The following PLXNA4 variants were observed in gnomAD, a reference collection of about 807,000 sequenced individuals.
PLXNA4 encodes the protein plexin A4, also known as plexin-A4.
A neutral mutation model predicts 191.8 loss-of-function variants in PLXNA4; 44 were observed. That is an observed-to-expected ratio of 0.23 (90% confidence interval 0.18 to 0.29). The LOEUF (loss-of-function observed/expected upper bound fraction) is 0.29, where lower values mean the gene tolerates loss of function less well. PLXNA4 is among the 10% of genes least tolerant of loss of function. PLXNA4 has a pLI of 1.00. For missense variants in PLXNA4, 1,800 were observed against 2,488.8 expected (o/e 0.72, Z 5.89); for synonymous variants, 1,082 against 1,009.5 (o/e 1.07, Z -1.36).
chr7:132,558,917 A>G (rs1185989967), intron 1 of PLXNA4, among the ~76,000 whole-genome samples: 1 of 152,084 alleles, frequency 6.6e-6, no homozygotes, highest in Admixed American at 6.5e-5. Context: ...AGGCTCTGAG[A>G]CAGCCTTGGA....
At chr7:132,132,981 G>A in intron 31 of PLXNA4, 68 bp downstream of exon 31, 1 of 1,564,902 alleles carries the variant, frequency 6.4e-7, no homozygotes, top group Non-Finnish European at 8.7e-7. Context: ...TTATACGGAG[G>A]CATGCAGGGT....
intron 3 of PLXNA4, among the ~76,000 whole-genome samples, chr7:132,465,824 G>A (rs1796679392): frequency 6.6e-6 from 1 of 152,190 alleles, no homozygotes; most frequent in Non-Finnish European, 1.5e-5. Flanking sequence ...TTTTCCTGCA[G>A]AGCTGGAGGA....
At chr7:132,546,870 C>A (rs1038686592) in intron 1 of PLXNA4, among the ~76,000 whole-genome samples, 1 of 152,088 alleles carries the variant, frequency 6.6e-6, no homozygotes, top group African/African-American at 2.4e-5. Context: ...TGAGGACAAA[C>A]AAGGCTTAGG....
chr7:132,133,947 A>G (rs900370933), intron 30 of PLXNA4, among the ~76,000 whole-genome samples: 3 of 152,158 alleles, frequency 2.0e-5, no homozygotes, highest in Admixed American at 2.0e-4. Context: ...CTGCAATGAC[A>G]GGAGGGCATC....
At chr7:132,414,000 T>C (rs963087225) in intron 3 of PLXNA4, among the ~76,000 whole-genome samples, 1 of 152,224 alleles carries the variant, frequency 6.6e-6, no homozygotes, top group African/African-American at 2.4e-5. Context: ...TCATGGCAGA[T>C]AGAGCTATCT....
intron 9 of PLXNA4, among the ~76,000 whole-genome samples, chr7:132,213,618 G>A (rs1797872521): frequency 1.3e-5 from 2 of 152,168 alleles, no homozygotes; most frequent in Non-Finnish European, 2.9e-5. Context: ...GGAAAGAAGC[G>A]ATTTGTGAAA....
At chr7:132,212,139 G>A (rs10252316) in intron 9 of PLXNA4, among the ~76,000 whole-genome samples, 141 of 152,262 alleles carry the variant, frequency 9.3e-4, no homozygotes, top group African/African-American at 3.2e-3. Flanking sequence ...CTGTGGCACT[G>A]TCTGGGGCAT....
At chr7:132,621,663 T>C (rs1371175976) in intron 2 of PLXNA4, among the ~76,000 whole-genome samples, 2 of 152,208 alleles carry the variant, frequency 1.3e-5, no homozygotes, top group African/African-American at 4.8e-5. Context: ...ATGAAATTGC[T>C]GGGTCAAAGG....
At chr7:132,338,959 C>T (rs555297130) in intron 3 of PLXNA4, among the ~76,000 whole-genome samples, 1 of 152,254 alleles carries the variant, frequency 6.6e-6, no homozygotes, top group South Asian at 2.1e-4. Context: ...GACCACCTAG[C>T]ACTGTTTTCC....
intron 3 of PLXNA4, among the ~76,000 whole-genome samples, chr7:132,304,912 C>CA (rs1801449303): frequency 6.6e-6 from 1 of 152,186 alleles, no homozygotes; most frequent in Admixed American, 6.5e-5. Flanking sequence ...TATGATCCAG[C>CA]CAGCTGTATG....
At chr7:132,207,931 G>T (rs1244938600) in intron 10 of PLXNA4, among the ~76,000 whole-genome samples, 1 of 152,218 alleles carries the variant, frequency 6.6e-6, no homozygotes, top group African/African-American at 2.4e-5. Context: ...CTGGATTCAA[G>T]TTCTGAATTT....
chr7:132,354,117 T>G (rs554700313), intron 3 of PLXNA4, among the ~76,000 whole-genome samples: 1 of 152,246 alleles, frequency 6.6e-6, no homozygotes, highest in African/African-American at 2.4e-5. Flanking sequence ...CGGGTTTGGA[T>G]TAATGGCATC....
At chr7:132,229,885 G>A (rs1218813715) in intron 5 of PLXNA4, among the ~76,000 whole-genome samples, 1 of 152,018 alleles carries the variant, frequency 6.6e-6, no homozygotes, top group African/African-American at 2.4e-5. Flanking sequence ...AAGCTATGGG[G>A]GTTTCTCCTC....
intron 2 of PLXNA4, among the ~76,000 whole-genome samples, chr7:132,615,149 A>AG (rs147615799): frequency 0.019 from 2,817 of 152,252 alleles, 79 homozygotes; most frequent in African/African-American, 0.063. Flanking sequence ...GACCCGGCAC[A>AG]GGGGCGGGAA....
At chr7:132,205,709 C>T (rs533180522) in intron 10 of PLXNA4, among the ~76,000 whole-genome samples, 2 of 152,326 alleles carry the variant, frequency 1.3e-5, no homozygotes. Flanking sequence ...ACCATCTGAT[C>T]ACCTAGAGGC....
rs1184137568 is a variant in PLXNA4, at chr7:132,130,307, AGATCCAG to A, written c.*165_*171del. ...GTTGGCAGAGCAACTGGAAGAGAAG[AGATCCAG>A]GAAGGAGGGAGAAACGGAAAGAGGC... On this transcript the variant is annotated 3_prime_UTR_variant, in exon 32 of 32. Coordinates refer to ENST00000321063, the MANE Select transcript of PLXNA4 (RefSeq NM_020911.2). The A allele has an allele frequency of 3.3e-6, 3 of 899,826 alleles. No individual in the cohort carries two copies. The highest frequency in any genetic ancestry group is 5.0e-6 in the Non-Finnish European group (3 of 604,596). The allele number at this position is 899,826 out of a possible 1,614,324, so 55.7% of individuals were successfully genotyped here.
At chr7:132,355,155 C>A (rs1444866566) in intron 3 of PLXNA4, among the ~76,000 whole-genome samples, 1 of 152,152 alleles carries the variant, frequency 6.6e-6, no homozygotes, top group East Asian at 1.9e-4. Flanking sequence ...AGGTAATGCA[C>A]TGGTAAGGAA....
Position 132,334,726 on chromosome 7 carries a change from C to A in PLXNA4, c.1372-36504G>T, listed in dbSNP as rs1467235581. On this transcript the variant is annotated intron_variant, in intron 3 of 31. Transcript: ENST00000321063. Reference sequence around the variant, plus strand: ...AATGGCGGCCCCTAAAGCCCTTCTCCCATTCATGTGGATAATAGTTGTACT... The same window carrying A: ...AATGGCGGCCCCTAAAGCCCTTCTCACATTCATGTGGATAATAGTTGTACT... Among the ~76,000 whole-genome samples, 8 of 152,236 alleles carry A rather than the reference C, an allele frequency of 5.3e-5. No individual in the cohort carries two copies. The South Asian group carries it at 1.7e-3, about 32-fold the overall frequency.
intron 3 of PLXNA4, among the ~76,000 whole-genome samples, chr7:132,478,069 G>A (rs891529356): frequency 1.3e-5 from 2 of 152,130 alleles, no homozygotes; most frequent in African/African-American, 4.8e-5. Flanking sequence ...TCCAGCCATG[G>A]CCCTTCCTAG....
Sources: allele counts gnomAD v4.1 joint callset (sites outside exome capture counted in the v4.1 genomes callset), GRCh38; gene constraint gnomAD v4.1.1; transcripts MANE v1.5; gene names NCBI Gene and HGNC (gene_info 2026-07-23, HGNC 2026-07-21).